Variants in MARCHF1 observed in about 807,000 individuals in gnomAD.
The protein encoded by MARCHF1 is membrane associated ring-CH-type finger 1, also known as E3 ubiquitin-protein ligase MARCHF1.
MARCHF1 carries 40 observed loss-of-function variants against 54.2 expected under a neutral mutation model. The ratio of observed to expected loss-of-function variants is 0.74; its 90% CI spans 0.57 to 0.96. The LOEUF (loss-of-function observed/expected upper bound fraction) is 0.96, where lower values mean the gene tolerates loss of function less well. Among genes scored for constraint, MARCHF1 ranks in the 40% least tolerant of loss-of-function variants. MARCHF1 has a pLI of 0.00. For synonymous variants in MARCHF1, 236 were observed against 236.3 expected (o/e 1.00, Z 0.01); for missense variants, 586 against 656.5 (o/e 0.89, Z 1.17).
At chr4:163,940,333 T>G (rs1396459325) in intron 3 of MARCHF1, among the ~76,000 whole-genome samples, 1 of 152,208 alleles carries the variant, frequency 6.6e-6, no homozygotes, top group Non-Finnish European at 1.5e-5. Flanking sequence ...TTGTATTTAT[T>G]TAAATATTCT....
At chr4:163,915,246 A>C (rs1384628811) in intron 3 of MARCHF1, among the ~76,000 whole-genome samples, 2 of 152,292 alleles carry the variant, frequency 1.3e-5, no homozygotes, top group African/African-American at 4.8e-5. Flanking sequence ...AGAGAAAGAA[A>C]AAAATTCTCT....
At chr4:163,930,741 T>C (rs531138980) in intron 3 of MARCHF1, among the ~76,000 whole-genome samples, 2 of 152,248 alleles carry the variant, frequency 1.3e-5, no homozygotes, top group South Asian at 2.1e-4. Flanking sequence ...CCTTGTATGA[T>C]TTAGATGATA....
intron 3 of MARCHF1, among the ~76,000 whole-genome samples, chr4:163,889,100 T>C (rs1425505703): frequency 6.6e-6 from 1 of 152,114 alleles, no homozygotes; most frequent in Non-Finnish European, 1.5e-5. Context: ...GAATGGCATA[T>C]AGAAAGAAGG....
chr4:163,593,257 C>T (rs115357687), intron 7 of MARCHF1, among the ~76,000 whole-genome samples: 1,560 of 152,178 alleles, frequency 0.01, 19 homozygotes, highest in African/African-American at 0.035. Flanking sequence ...GCTTTGAGGT[C>T]TTTTTGGGTG....
At chr4:163,777,278 G>T (rs1045809022) in intron 4 of MARCHF1, among the ~76,000 whole-genome samples, 2 of 152,136 alleles carry the variant, frequency 1.3e-5, no homozygotes, top group Non-Finnish European at 2.9e-5. Flanking sequence ...AAGCTATTTT[G>T]CTAATGATGG....
intron 1 of MARCHF1, among the ~76,000 whole-genome samples, chr4:164,225,045 C>T (rs1259590387): frequency 1.3e-5 from 2 of 152,056 alleles, no homozygotes; most frequent in Admixed American, 6.6e-5. Flanking sequence ...ATCCCCCTAA[C>T]AGATGTCATT....
intron 4 of MARCHF1, among the ~76,000 whole-genome samples, chr4:163,713,127 G>T (rs757252315): frequency 6.6e-6 from 1 of 151,558 alleles, no homozygotes; most frequent in Non-Finnish European, 1.5e-5. Flanking sequence ...AATTTAACTT[G>T]CACCCTAGAT....
At position 163,934,947 on chromosome 4, in the gene MARCHF1, TTCAA is replaced by T. The variant is rs200899681; in HGVS notation, c.-39+53550_-39+53553del. Among the ~76,000 whole-genome samples the T allele has an allele frequency of 1.4e-3, 217 of 152,284 alleles. 3 individuals are homozygous for T. The East Asian group carries it at 0.023, about 16-fold the overall frequency. ...AGGTTTTCAATTTATTTTGCCCAGA[TTCAA>T]TCAAAGGAATCACTATCTATGGCAG... On this transcript the variant is annotated intron_variant, in intron 3 of 9. Transcript: ENST00000514618.
intron 1 of MARCHF1, among the ~76,000 whole-genome samples, chr4:164,217,524 C>T (rs910699730): frequency 1.4e-4 from 22 of 152,190 alleles, no homozygotes; most frequent in Non-Finnish European, 2.9e-4. Context: ...GATAATTTTT[C>T]CCCCAAAACC....
intron 2 of MARCHF1, among the ~76,000 whole-genome samples, chr4:163,996,079 A>AT (rs1196697860): frequency 5.3e-5 from 8 of 151,846 alleles, no homozygotes; most frequent in Admixed American, 1.3e-4. Context: ...GAAAGATCCA[A>AT]TTTTTTTATT....
chr4:163,701,760 T>C (rs1422423895), intron 4 of MARCHF1, among the ~76,000 whole-genome samples: 1 of 152,130 alleles, frequency 6.6e-6, no homozygotes, highest in Non-Finnish European at 1.5e-5. Flanking sequence ...GAACAATCAA[T>C]TCTGAATACT....
rs546898696 is a variant in MARCHF1 at position 163,715,086 on chromosome 4, C to T, written c.112-14223G>A. Among the ~76,000 whole-genome samples the T allele has an allele frequency of 2.1e-3, 316 of 152,192 alleles. 1 individual carries two copies. The highest frequency in any genetic ancestry group is 7.3e-3 in the African/African-American group (302 of 41,506). On this transcript the variant is annotated intron_variant, in intron 4 of 9. Transcript: ENST00000514618. The stretch of plus-strand genomic sequence containing the variant: ...TAAATTAGAAGCCACAAAGATAAAA[C>T]GCCATTAAATGGATTTTGGTCATAG...
At chr4:164,114,576 T>C (rs1233049495) in intron 1 of MARCHF1, among the ~76,000 whole-genome samples, 1 of 151,628 alleles carries the variant, frequency 6.6e-6, no homozygotes, top group African/African-American at 2.4e-5. Context: ...AATTTGCTTT[T>C]TCCCAGTATA....
At chr4:163,969,302 C>T (rs551766204) in intron 3 of MARCHF1, among the ~76,000 whole-genome samples, 1 of 152,162 alleles carries the variant, frequency 6.6e-6, no homozygotes, top group South Asian at 2.1e-4. Flanking sequence ...AAAGCAGCAC[C>T]GTGAAATTCT....
At position 164,144,659 on chromosome 4, in the gene MARCHF1, C is replaced by T. The variant is rs530205071; in HGVS notation, c.-322-32997G>A. On this transcript the variant is annotated intron_variant, in intron 1 of 9. Coordinates refer to ENST00000514618, the MANE Select transcript of MARCHF1 (RefSeq NM_001394959.1). ...ACACAACATACCAGAATCTCTGGGA[C>T]GCATTCAAAGCAGTGTGTAGAGGGA... is the stretch of plus-strand genomic sequence containing the variant. Among the ~76,000 whole-genome samples the T allele has an allele frequency of 3.9e-4, 52 of 134,740 alleles. No individual in the cohort carries two copies. In the South Asian group the frequency reaches 6.4e-3, roughly 17 times the overall value. The allele number at this position is 134,740 out of a possible 152,430, so 88.4% of individuals were successfully genotyped here.
chr4:164,097,311 C>T (rs566910796), intron 2 of MARCHF1, among the ~76,000 whole-genome samples: 13 of 152,226 alleles, frequency 8.5e-5, no homozygotes, highest in South Asian at 4.1e-4. Context: ...CTTCAGATGA[C>T]GTCACTAATC....
chr4:164,117,056 G>A (rs59287234), intron 1 of MARCHF1, among the ~76,000 whole-genome samples: 1 of 151,836 alleles, frequency 6.6e-6, no homozygotes, highest in Non-Finnish European at 1.5e-5. Context: ...TCAGGAGTTT[G>A]AAACCAGCCT....
chr4:163,580,844 G>A (rs1027451924), intron 8 of MARCHF1, among the ~76,000 whole-genome samples: 1 of 41,310 alleles, frequency 2.4e-5, no homozygotes, highest in Non-Finnish European at 5.0e-5. Flanking sequence ...CGCCCAGGTC[G>A]GACTGCGGAC....
intron 1 of MARCHF1, among the ~76,000 whole-genome samples, chr4:164,306,163 C>T (rs190593108): frequency 7.0e-4 from 106 of 152,152 alleles, no homozygotes; most frequent in African/African-American, 2.5e-3. Context: ...AATTTGTCAT[C>T]GTCAGGAAAC....
Sources: allele counts gnomAD v4.1 joint callset (sites outside exome capture counted in the v4.1 genomes callset), GRCh38; gene constraint gnomAD v4.1.1; transcripts MANE v1.5; gene names NCBI Gene and HGNC (gene_info 2026-07-23, HGNC 2026-07-21).